OR51B5: variants seen among roughly 807,000 people sequenced by gnomAD.
OR51B5 encodes olfactory receptor family 51 subfamily B member 5, also known as olfactory receptor 51B5.
For synonymous variants in OR51B5, 186 were observed against 144.8 expected (o/e 1.28, Z -2.04); for missense variants, 456 against 374.6 (o/e 1.22, Z -1.79).
intron 1 of OR51B5, among the ~76,000 whole-genome samples, chr11:5,437,527 C>A (rs1297716782): frequency 6.6e-6 from 1 of 152,244 alleles, no homozygotes; most frequent in East Asian, 1.9e-4. Flanking sequence ...TTCCAGGATA[C>A]TGAAGGACCA....
chr11:5,495,676 C>A (rs900572546), intron 1 of OR51B5, among the ~76,000 whole-genome samples: 1 of 141,460 alleles, frequency 7.1e-6, no homozygotes, highest in Non-Finnish European at 1.6e-5. Context: ...GAGGAAGAAC[C>A]AGGAGCTACA....
At chr11:5,502,127 G>A (rs1846300985) in intron 1 of OR51B5, among the ~76,000 whole-genome samples, 1 of 152,070 alleles carries the variant, frequency 6.6e-6, no homozygotes, top group Non-Finnish European at 1.5e-5. Context: ...CCTATTCTAA[G>A]CCAGTACCAT....
chr11:5,378,532 C>A (rs766972997), intron 1 of OR51B5, among the ~76,000 whole-genome samples: 37 of 152,170 alleles, frequency 2.4e-4, no homozygotes, highest in East Asian at 9.7e-4. Context: ...GCAACCTACA[C>A]AATGGGAGAA....
At chr11:5,370,894 T>G (rs145886863) in intron 1 of OR51B5, among the ~76,000 whole-genome samples, 1,765 of 152,022 alleles carry the variant, frequency 0.012, 18 homozygotes, top group Non-Finnish European at 0.016. Flanking sequence ...GACCTGAGAG[T>G]TGTAGAGGCA....
intron 1 of OR51B5, among the ~76,000 whole-genome samples, chr11:5,472,111 C>T (rs752377258): frequency 6.6e-6 from 1 of 152,114 alleles, no homozygotes; most frequent in Non-Finnish European, 1.5e-5. Context: ...ACAAAGGCTT[C>T]AGAAGATGCA....
At chr11:5,436,810 AC>A (rs1321814524) in intron 1 of OR51B5, among the ~76,000 whole-genome samples, 1 of 152,190 alleles carries the variant, frequency 6.6e-6, no homozygotes, top group Non-Finnish European at 1.5e-5. Flanking sequence ...CTTATTGTAT[AC>A]ATACCTCAAA....
chr11:5,412,373 G>C (rs7106233), intron 1 of OR51B5, among the ~76,000 whole-genome samples: 124,888 of 152,024 alleles, frequency 0.82, 52,134 homozygotes, highest in Non-Finnish European at 0.89. Context: ...TGCAGAAGAC[G>C]GGTGATTTCT....
downstream of OR51B5, chr11:5,341,062 C>CAATTACATCTCT (rs1554931555): frequency 3.9e-4 from 59 of 152,292 alleles, no homozygotes; most frequent in African/African-American, 1.3e-3. Flanking sequence ...AGTTCTTTCA[C>CAATTACATCTCT]AATTACATCT....
upstream of OR51B5, among the ~76,000 whole-genome samples, chr11:5,344,566 A>C (rs1848960668): frequency 6.5e-5 from 5 of 77,126 alleles, no homozygotes; most frequent in South Asian, 2.0e-3. Context: ...GTCCTTTGAG[A>C]AGGTTTTAAT....
intron 1 of OR51B5, among the ~76,000 whole-genome samples, chr11:5,409,909 G>C (rs974256434): frequency 2.1e-5 from 1 of 48,090 alleles, no homozygotes; most frequent in Non-Finnish European, 7.3e-5. Context: ...AGAGGAAAAT[G>C]TCTCATCTTT....
chr11:5,387,313 C>T (rs1849710157), intron 1 of OR51B5, among the ~76,000 whole-genome samples: 1 of 152,026 alleles, frequency 6.6e-6, no homozygotes, highest in South Asian at 2.1e-4. Flanking sequence ...ATGATTAAGA[C>T]TCTCCATTGC....
intron 1 of OR51B5, among the ~76,000 whole-genome samples, chr11:5,366,584 C>G (rs1037387491): frequency 1.6e-4 from 24 of 150,218 alleles, no homozygotes; most frequent in African/African-American, 5.4e-4. Context: ...ACTCCAGCAG[C>G]CTGGAAGGCA....
intron 1 of OR51B5, among the ~76,000 whole-genome samples, chr11:5,369,555 T>G (rs1046205356): frequency 7.2e-5 from 11 of 152,300 alleles, no homozygotes; most frequent in Admixed American, 4.6e-4. Context: ...TTCACTATCC[T>G]AAATATGTCT....
intron 1 of OR51B5, among the ~76,000 whole-genome samples, chr11:5,359,939 A>T (rs1431844219): frequency 6.6e-6 from 1 of 152,252 alleles, no homozygotes; most frequent in African/African-American, 2.4e-5. Flanking sequence ...CTGGCTAACC[A>T]TACGCAGAAA....
At chr11:5,438,034 G>T (rs187265164) in intron 1 of OR51B5, among the ~76,000 whole-genome samples, 1 of 152,100 alleles carries the variant, frequency 6.6e-6, no homozygotes, top group African/African-American at 2.4e-5. Context: ...TTATAGGATT[G>T]GTTGGATCAA....
chr11:5,479,068 C>A (rs1046146139), intron 1 of OR51B5, among the ~76,000 whole-genome samples: 28 of 151,722 alleles, frequency 1.8e-4, no homozygotes, highest in Admixed American at 6.6e-4. Flanking sequence ...ATCAGATTCA[C>A]CAAAGTTGAA....
At chr11:5,409,643 T>C (rs768915708) in intron 1 of OR51B5, among the ~76,000 whole-genome samples, 1 of 151,828 alleles carries the variant, frequency 6.6e-6, no homozygotes, top group Non-Finnish European at 1.5e-5. Flanking sequence ...AGCACAAAAA[T>C]TGAAAATATA....
At chr11:5,498,190 C>T (rs1851676708) in intron 1 of OR51B5, among the ~76,000 whole-genome samples, 1 of 152,166 alleles carries the variant, frequency 6.6e-6, no homozygotes, top group South Asian at 2.1e-4. Flanking sequence ...TGCCAAATGC[C>T]ATGGTGCTGG....
chr11:5,416,459 T>A (rs1405375371), intron 1 of OR51B5, among the ~76,000 whole-genome samples: 2 of 152,086 alleles, frequency 1.3e-5, no homozygotes, highest in Admixed American at 1.3e-4. Context: ...ATAAAGAGTA[T>A]TCAATTAGGA....
Sources: gnomAD v4.1 joint callset for allele counts (sites outside exome capture counted in the v4.1 genomes callset) on GRCh38, gnomAD v4.1.1 for gene constraint, MANE v1.5 for transcripts, NCBI Gene and HGNC (gene_info 2026-07-23, HGNC 2026-07-21) for gene names.